ARIH1: variants seen among roughly 807,000 people sequenced by gnomAD.
The protein encoded by ARIH1 is ariadne RBR E3 ubiquitin protein ligase 1.
ARIH1 carries 8 observed loss-of-function variants against 85.0 expected under a neutral mutation model. The ratio of observed to expected loss-of-function variants is 0.09; its 90% CI spans 0.06 to 0.17. The LOEUF is 0.17. ARIH1 is among the 10% of genes least tolerant of loss of function. The pLI, the probability that ARIH1 is intolerant of heterozygous loss-of-function variation, is 1.00. For synonymous variants in ARIH1, 238 were observed against 253.6 expected (o/e 0.94, Z 0.59); for missense variants, 311 against 718.1 (o/e 0.43, Z 6.48).
At chr15:72,512,656 A>G (rs947160460) in intron 1 of ARIH1, among the ~76,000 whole-genome samples, 8 of 150,722 alleles carry the variant, frequency 5.3e-5, no homozygotes, top group African/African-American at 1.7e-4. Context: ...AGCATTTAAT[A>G]TGATAAATTT....
intron 4 of ARIH1, 68 bp from the exon 5 acceptor site, chr15:72,555,783 GC>G: frequency 7.5e-7 from 1 of 1,327,932 alleles, no homozygotes; most frequent in South Asian, 1.2e-5. Context: ...CTAGCAAAGT[GC>G]CTGGCGATGG....
chr15:72,534,499 A>G (rs1015872909), intron 2 of ARIH1, among the ~76,000 whole-genome samples: 2 of 152,212 alleles, frequency 1.3e-5, no homozygotes, highest in Admixed American at 1.3e-4. Flanking sequence ...ACATAGGAAA[A>G]GGATCAGTCT....
At chr15:72,551,641 G>A (rs1020349921) in intron 3 of ARIH1, among the ~76,000 whole-genome samples, 3 of 152,106 alleles carry the variant, frequency 2.0e-5, no homozygotes, top group Admixed American at 6.5e-5. Flanking sequence ...ATTCACAAGC[G>A]GTAAATTTAA....
rs142565284 is a variant in ARIH1, at chr15:72,498,616, G to A, written c.376-19451G>A. 5.8e-4 allele frequency among the ~76,000 whole-genome samples: 88 copies of A among 152,168 alleles called. 2 individuals carry two copies. In the East Asian group the frequency reaches 0.015, roughly 26 times the overall value. On this transcript the variant is annotated intron_variant, in intron 1 of 13. Transcript: ENST00000379887. ...TCCCAGCACTTAGGGAGGCTGAGGC[G>A]GTGGATCACCCGAGGTCAGGAATTG...
intron 1 of ARIH1, among the ~76,000 whole-genome samples, chr15:72,507,336 C>G (rs1385758102): frequency 6.6e-6 from 1 of 152,094 alleles, no homozygotes; most frequent in Non-Finnish European, 1.5e-5. Context: ...GGTTGTGATT[C>G]TACCTGGAGA....
At chr15:72,514,581 C>T (rs749936129) in intron 1 of ARIH1, among the ~76,000 whole-genome samples, 18 of 151,758 alleles carry the variant, frequency 1.2e-4, no homozygotes, top group Non-Finnish European at 2.4e-4. Context: ...TGGTGCATGC[C>T]TGTAGTTCAG....
At chr15:72,488,761 C>T (rs1236470035) in intron 1 of ARIH1, among the ~76,000 whole-genome samples, 1 of 152,206 alleles carries the variant, frequency 6.6e-6, no homozygotes, top group Non-Finnish European at 1.5e-5. Flanking sequence ...CTGGCACTAA[C>T]AAATTATTTT....
chr15:72,551,192 GA>G (rs2064151267), intron 3 of ARIH1, among the ~76,000 whole-genome samples: 1 of 151,992 alleles, frequency 6.6e-6, no homozygotes, highest in African/African-American at 2.4e-5. Flanking sequence ...AAAGAGCTAG[GA>G]ATAAACTTGA....
chr15:72,579,598 C>T (rs192514133), intron 11 of ARIH1, among the ~76,000 whole-genome samples: 79 of 152,276 alleles, frequency 5.2e-4, no homozygotes, highest in Non-Finnish European at 8.5e-4. Context: ...TCACTAAGCA[C>T]ATGTGACTAT....
chr15:72,487,693 C>T (rs907154967), intron 1 of ARIH1, among the ~76,000 whole-genome samples: 1 of 151,856 alleles, frequency 6.6e-6, no homozygotes, highest in Non-Finnish European at 1.5e-5. Context: ...CATGTTGTTG[C>T]TATCCTTTTT....
chr15:72,581,701 GAAAT>G (rs775733538), intron 12 of ARIH1: 4 of 170,474 alleles, frequency 2.3e-5, no homozygotes, highest in Non-Finnish European at 5.1e-5. Flanking sequence ...TTTCTTATAA[GAAAT>G]AAGTATAGCC....
intron 3 of ARIH1, among the ~76,000 whole-genome samples, chr15:72,554,269 G>GT (rs1436132298): frequency 1.3e-5 from 2 of 152,246 alleles, no homozygotes; most frequent in Admixed American, 6.5e-5. Flanking sequence ...GTAACTCTAT[G>GT]TTTAATATTT....
chr15:72,581,951 G>A, intron 12 of ARIH1, 124 bp from the exon 13 acceptor site: 1 of 615,460 alleles, frequency 1.6e-6, no homozygotes, highest in South Asian at 2.2e-5. Context: ...TACAGGTGCA[G>A]TTAAACCACC....
chr15:72,474,553 C>G lies in ARIH1; in HGVS notation c.-87C>G. 1 of 1,436,564 alleles carries G rather than the reference C, an allele frequency of 7.0e-7. No homozygotes were observed. 89.0% of individuals were successfully genotyped at this position (1,436,564 alleles called of 1,614,324 possible). A position where few individuals can be genotyped will look rare whatever the true frequency, so the allele number is the denominator to read the frequency against. On this transcript the variant is annotated 5_prime_UTR_variant, in exon 1 of 14. Coordinates refer to ENST00000379887, the MANE Select transcript of ARIH1 (RefSeq NM_005744.5). Reference sequence around the variant, plus strand: ...AGCCAGGCCTGCGTCCGGACATCAGCCGGAGCCGGAGCGAGAGCCGGGGCC... The same window carrying G: ...AGCCAGGCCTGCGTCCGGACATCAGGCGGAGCCGGAGCGAGAGCCGGGGCC...
rs763608232 is a variant in ARIH1, at chr15:72,474,749, A to G, written c.110A>G (p.Asp37Gly). ...EEDEDDDEPDDDTLDLGEVEL... is the reference protein window; with the variant it reads ...EEDEDDDEPDGDTLDLGEVEL... Reference sequence around the variant, plus strand: ...GACGAAGACGACGACGAGCCGGACGATGATACCCTGGATCTGGGCGAGGTG... The same window carrying G: ...GACGAAGACGACGACGAGCCGGACGGTGATACCCTGGATCTGGGCGAGGTG... The change falls in exon 1 of 14, where the codon GAT (aspartate) becomes GGT (glycine). Residue 37 changes from aspartate to glycine, a missense_variant. Asp to Gly is a moderately conservative substitution (Grantham distance 94). This residue lies in a region of ARIH1 where 157 missense variants were observed against 185.1 expected (regional missense o/e 0.85). Transcript: ENST00000379887. 3.9e-6 allele frequency: 6 copies of G among 1,558,110 alleles called. No homozygotes were observed. The highest frequency in any genetic ancestry group is 3.8e-5 in the Admixed American group (2 of 53,298).
chr15:72,535,231 G>A lies in ARIH1; in HGVS notation c.444-9589G>A, dbSNP rs548440207. Among the ~76,000 whole-genome samples the A allele has an allele frequency of 6.2e-4, 94 of 152,094 alleles. 1 individual carries two copies. Among genetic ancestry groups the A allele is most frequent in the African/African-American group, 2.1e-3 (88 of 41,536 alleles). On this transcript the variant is annotated intron_variant, in intron 2 of 13. Coordinates refer to ENST00000379887, the MANE Select transcript of ARIH1 (RefSeq NM_005744.5). ...CTCCCAAAGTGCTGGGATTACAGGC[G>A]TGAGCCACCGCGCCCGGCCTTATTG...
Position 72,563,395 on chromosome 15 carries a change from G to T in ARIH1, c.806G>T (p.Cys269Phe). ...TTTATTTTCTAACTTGTATTTCAGT[G>T]CAATCGACTGTTAAAGTGGTGTCCT... is the stretch of plus-strand genomic sequence containing the variant. ...QHLITNSFVE[C>F]NRLLKWCPAP... Residue 269 changes from cysteine to phenylalanine, a missense_variant and splice_region_variant, in exon 7 of 14, where the codon TGC becomes TTC. Physicochemically the swap from Cys to Phe is radical, Grantham distance 205. Around this residue, in one of 3 missense-constraint regions of ARIH1, gnomAD observed 104 missense variants for 221.4 expected, o/e 0.47. Coordinates refer to ENST00000379887, the MANE Select transcript of ARIH1 (RefSeq NM_005744.5). 1 of 1,612,576 alleles carries T rather than the reference G, an allele frequency of 6.2e-7. No homozygotes were observed. The highest frequency in any genetic ancestry group is 1.1e-5 in the South Asian group (1 of 91,050).
Position 72,583,193 on chromosome 15 carries a change from T to TTC in ARIH1, c.1590-15_1590-14insTC. On this transcript the variant is annotated splice_polypyrimidine_tract_variant and intron_variant, in intron 13 of 13. Coordinates refer to ENST00000379887, the MANE Select transcript of ARIH1 (RefSeq NM_005744.5). The stretch of plus-strand genomic sequence containing the variant: ...GGCTGACAACAAGTTTTTTTTTTTT[T>TTC]CTCTTTGATTACAGATACTGTGAGA... 1 of 1,581,088 alleles carries TTC rather than the reference T, an allele frequency of 6.3e-7. No individual in the cohort carries two copies. The highest frequency in any genetic ancestry group is 8.6e-7 in the Non-Finnish European group (1 of 1,165,882).
intron 3 of ARIH1, among the ~76,000 whole-genome samples, chr15:72,552,079 A>G (rs1392654477): frequency 1.3e-5 from 2 of 152,184 alleles, no homozygotes; most frequent in Admixed American, 6.5e-5. Context: ...TTGTAAATGT[A>G]TATATTTATT....
Sources: allele counts gnomAD v4.1 joint callset (sites outside exome capture counted in the v4.1 genomes callset), GRCh38; gene constraint gnomAD v4.1.1; regional missense constraint gnomAD v4.1.1; transcripts MANE v1.5; gene names NCBI Gene and HGNC (gene_info 2026-07-23, HGNC 2026-07-21).